The following MAPKAPK2 variants were observed in gnomAD, a reference collection of about 807,000 sequenced individuals.
The protein encoded by MAPKAPK2 is MAP kinase-activated protein kinase 2.
MAPKAPK2 carries 9 observed loss-of-function variants against 48.8 expected under a neutral mutation model. The ratio of observed to expected loss-of-function variants is 0.18; its 90% confidence interval spans 0.11 to 0.32. The LOEUF is 0.32. Ranked by LOEUF, MAPKAPK2 falls within the 10% of genes least tolerant of loss-of-function variation. The pLI is 1.00. For missense variants in MAPKAPK2, 331 were observed against 498.3 expected, an observed-to-expected ratio of 0.66 and a Z score of 3.20; for synonymous variants, 202 against 190.6, an observed-to-expected ratio of 1.06 and a Z score of -0.49.
intron 1 of MAPKAPK2, among the ~76,000 whole-genome samples, chr1:206,703,293 C>T (rs1208397264): frequency 6.6e-6 from 1 of 152,168 alleles, no homozygotes; most frequent in Non-Finnish European, 1.5e-5. Context: ...GCTTCAGAAG[C>T]AGCTACTTCC....
chr1:206,719,721 T>A (rs554406559), intron 1 of MAPKAPK2, among the ~76,000 whole-genome samples: 1 of 152,334 alleles, frequency 6.6e-6, no homozygotes, highest in East Asian at 1.9e-4. Flanking sequence ...CCACCTCTTA[T>A]GCTTCCAAGC....
intron 1 of MAPKAPK2, among the ~76,000 whole-genome samples, chr1:206,701,831 TAA>T (rs1181483621): frequency 6.9e-5 from 6 of 86,964 alleles, no homozygotes; most frequent in Admixed American, 1.3e-4. Flanking sequence ...ACCCTGTCTC[TAA>T]AAAAAAAAAA....
At chr1:206,727,470 G>A (rs139177552) in intron 1 of MAPKAPK2, among the ~76,000 whole-genome samples, 1 of 152,296 alleles carries the variant, frequency 6.6e-6, no homozygotes, top group African/African-American at 2.4e-5. Context: ...GGATCCAGGT[G>A]ATTGCCATTT....
At chr1:206,699,998 TC>T (rs1672748061) in intron 1 of MAPKAPK2, among the ~76,000 whole-genome samples, 1 of 150,646 alleles carries the variant, frequency 6.6e-6, no homozygotes, top group South Asian at 2.1e-4. Flanking sequence ...TCTTTCTTCT[TC>T]TTACTTTTTT....
chr1:206,708,918 G>T (rs898342931), intron 1 of MAPKAPK2, among the ~76,000 whole-genome samples: 1 of 152,210 alleles, frequency 6.6e-6, no homozygotes, highest in Non-Finnish European at 1.5e-5. Context: ...ATGGTGACAT[G>T]TATCAGTAGT....
chr1:206,726,035 T>C (rs1185645340), intron 1 of MAPKAPK2, among the ~76,000 whole-genome samples: 1 of 152,248 alleles, frequency 6.6e-6, no homozygotes, highest in Non-Finnish European at 1.5e-5. Context: ...GCCAGTGCCT[T>C]CTCTTGCTCC....
intron 1 of MAPKAPK2, among the ~76,000 whole-genome samples, chr1:206,707,455 G>A (rs1237692308): frequency 1.3e-5 from 2 of 152,134 alleles, no homozygotes; most frequent in African/African-American, 4.8e-5. Context: ...AACCAGAGCA[G>A]CAAAGGTAGA....
intron 1 of MAPKAPK2, among the ~76,000 whole-genome samples, chr1:206,722,857 T>G (rs1196120616): frequency 6.6e-6 from 1 of 152,216 alleles, no homozygotes; most frequent in Non-Finnish European, 1.5e-5. Flanking sequence ...CCAGCCATCC[T>G]CCATGTGGTG....
Position 206,731,765 on chromosome 1 carries a change from C to G in MAPKAPK2, c.978+40C>G, listed in dbSNP as rs1047300594. 8 of 1,611,284 alleles carry G rather than the reference C, an allele frequency of 5.0e-6. No individual in the cohort carries two copies. In the Admixed American group the frequency reaches 5.0e-5, roughly 10 times the overall value. On this transcript the variant is annotated intron_variant, in intron 8 of 9. Transcript: ENST00000367103. This position sits in a 1 kb window ranked among gnomAD's most constrained non-coding sequence, Gnocchi z 5.9. The stretch of plus-strand genomic sequence containing the variant: ...CTGGGGAGCCTTGGGTCTCACGGGA[C>G]TATTCCACAGGACAGAGTCTTAGCC...
chr1:206,730,343 T>A (rs1558589217), intron 5 of MAPKAPK2, among the ~76,000 whole-genome samples: 1 of 152,226 alleles, frequency 6.6e-6, no homozygotes, highest in Non-Finnish European at 1.5e-5. Context: ...AGATTCTCCA[T>A]GGAGTCTGGA....
intron 1 of MAPKAPK2, among the ~76,000 whole-genome samples, chr1:206,714,592 T>A (rs1237913692): frequency 6.6e-6 from 1 of 150,772 alleles, no homozygotes; most frequent in Non-Finnish European, 1.5e-5. Context: ...GGTGAAACCC[T>A]GTCTCTACTT....
intron 5 of MAPKAPK2, 74 bp from the exon 6 acceptor site, chr1:206,730,614 A>G: frequency 7.7e-7 from 1 of 1,297,702 alleles, no homozygotes; most frequent in Non-Finnish European, 1.1e-6. Context: ...GATGGGGAGC[A>G]TCTTTCACAG....
intron 1 of MAPKAPK2, among the ~76,000 whole-genome samples, chr1:206,698,420 A>G (rs1468067564): frequency 1.3e-5 from 2 of 152,246 alleles, no homozygotes; most frequent in Non-Finnish European, 2.9e-5. Flanking sequence ...CTTGAGATCC[A>G]AAGCAACTTA....
At position 206,709,258 on chromosome 1, in the gene MAPKAPK2, C is replaced by T. The variant is rs141211579; in HGVS notation, c.280-19452C>T. On this transcript the variant is annotated intron_variant, in intron 1 of 9. Transcript: ENST00000367103. ...TGCTCCTTCAGGGTTTCTCTTCTTC[C>T]GGCAATTCACCCTAGTTTATTGAAC... Among the ~76,000 whole-genome samples, 1,058 of 152,236 alleles carry T rather than the reference C, an allele frequency of 6.9e-3. 12 individuals carry two copies. Among genetic ancestry groups the T allele is most frequent in the African/African-American group, 0.024 (979 of 41,542 alleles).
At chr1:206,710,178 A>G (rs1375084689) in intron 1 of MAPKAPK2, among the ~76,000 whole-genome samples, 2 of 152,202 alleles carry the variant, frequency 1.3e-5, no homozygotes, top group African/African-American at 4.8e-5. Flanking sequence ...CTCAAATTTG[A>G]GTTGCCAGGA....
chr1:206,726,693 C>G (rs1332969404), intron 1 of MAPKAPK2, among the ~76,000 whole-genome samples: 1 of 152,264 alleles, frequency 6.6e-6, no homozygotes, highest in Non-Finnish European at 1.5e-5. Flanking sequence ...GGATTCCAAC[C>G]TTGGCTCTGC....
intron 1 of MAPKAPK2, among the ~76,000 whole-genome samples, chr1:206,695,208 G>A (rs1185943357): frequency 2.0e-5 from 3 of 152,208 alleles, no homozygotes; most frequent in Non-Finnish European, 2.9e-5. Flanking sequence ...TGTAACCAGA[G>A]AGAGAAGGAA....
At chr1:206,722,131 C>T (rs1348643461) in intron 1 of MAPKAPK2, among the ~76,000 whole-genome samples, 5 of 151,324 alleles carry the variant, frequency 3.3e-5, no homozygotes, top group Admixed American at 6.6e-5. Context: ...GAGGCCGAGG[C>T]GGGCGGATCA....
chr1:206,729,517 G>A (rs781893083), intron 4 of MAPKAPK2, 42 bp downstream of exon 4: 5 of 1,553,252 alleles, frequency 3.2e-6, no homozygotes, highest in Non-Finnish European at 4.4e-6. Context: ...GCTGTGGGGG[G>A]CAACAAAGGG....
Sources: allele counts gnomAD v4.1 joint callset (sites outside exome capture counted in the v4.1 genomes callset), GRCh38; gene constraint gnomAD v4.1.1; non-coding constraint Gnocchi (gnomAD v3.1); transcripts MANE v1.5; gene names NCBI Gene and HGNC (gene_info 2026-07-23, HGNC 2026-07-21).